Variants in PRKACB observed in about 807,000 individuals in gnomAD.
PRKACB encodes cAMP-dependent protein kinase catalytic subunit beta.
In PRKACB, 16 loss-of-function variants were observed where a neutral mutation model predicts 51.4. The observed-to-expected ratio is 0.31, with a 90% confidence interval of 0.21 to 0.47. The LOEUF (loss-of-function observed/expected upper bound fraction) is 0.47. Ranked by LOEUF, PRKACB falls within the 20% of genes least tolerant of loss-of-function variation. The pLI, the probability that PRKACB is intolerant of heterozygous loss-of-function variation, is 1.00. For missense variants in PRKACB, 309 were observed against 464.5 expected (o/e 0.67, Z 3.08); for synonymous variants, 147 against 154.4 (o/e 0.95, Z 0.35).
At chr1:84,152,696 G>T (rs933423078) in intron 1 of PRKACB, among the ~76,000 whole-genome samples, 2 of 152,148 alleles carry the variant, frequency 1.3e-5, no homozygotes, top group African/African-American at 4.8e-5. Flanking sequence ...AGCCTTTATA[G>T]AATTGAAGAG....
chr1:84,182,164 G>T, intron 2 of PRKACB, 36 bp from the exon 3 acceptor site: 3 of 1,392,888 alleles, frequency 2.2e-6, no homozygotes, highest in South Asian at 3.0e-5. Flanking sequence ...GTGTTTTTAC[G>T]AGAATTTTAA....
chr1:84,100,712 T>G (rs1439656833), intron 1 of PRKACB, among the ~76,000 whole-genome samples: 1 of 152,210 alleles, frequency 6.6e-6, no homozygotes, highest in Non-Finnish European at 1.5e-5. Flanking sequence ...TCTATCTACC[T>G]ACCTATCAAG....
intron 1 of PRKACB, among the ~76,000 whole-genome samples, chr1:84,173,116 A>AT (rs996027307): frequency 2.0e-5 from 3 of 151,688 alleles, no homozygotes; most frequent in African/African-American, 7.2e-5. Flanking sequence ...TTATTAACAT[A>AT]TTTCCAGAGA....
chr1:84,148,242 T>C (rs1654380946), intron 1 of PRKACB, among the ~76,000 whole-genome samples: 1 of 152,112 alleles, frequency 6.6e-6, no homozygotes, highest in East Asian at 1.9e-4. Context: ...TCAGGTATCA[T>C]CTCTGTAACA....
intron 9 of PRKACB, among the ~76,000 whole-genome samples, chr1:84,229,758 T>C (rs1167048303): frequency 1.3e-5 from 2 of 151,224 alleles, no homozygotes; most frequent in African/African-American, 2.4e-5. Context: ...TCATGTCCTT[T>C]GCCCACTTTT....
chr1:84,118,796 T>C (rs1028636098), intron 1 of PRKACB, among the ~76,000 whole-genome samples: 1 of 152,038 alleles, frequency 6.6e-6, no homozygotes, highest in Non-Finnish European at 1.5e-5. Context: ...ACTTCTTCAG[T>C]TGAGGAAGGT....
At chr1:84,128,788 T>C (rs1164626936) in intron 1 of PRKACB, among the ~76,000 whole-genome samples, 1 of 152,162 alleles carries the variant, frequency 6.6e-6, no homozygotes, top group East Asian at 1.9e-4. Context: ...CTGTCAGCAT[T>C]ATGTGTGTTC....
At chr1:84,227,247 A>G (rs72938497) in intron 9 of PRKACB, among the ~76,000 whole-genome samples, 3,913 of 152,192 alleles carry the variant, frequency 0.026, 180 homozygotes, top group African/African-American at 0.089. Context: ...AAATTTTAAC[A>G]GACTAATTCT....
chr1:84,088,081 G>A (rs1414961306), intron 1 of PRKACB, among the ~76,000 whole-genome samples: 2 of 152,076 alleles, frequency 1.3e-5, no homozygotes, highest in Non-Finnish European at 2.9e-5. Flanking sequence ...AAAATTTTCC[G>A]AATCAAATTC....
chr1:84,087,256 AAAATT>A (rs1648088844), intron 1 of PRKACB, among the ~76,000 whole-genome samples: 1 of 152,252 alleles, frequency 6.6e-6, no homozygotes, highest in African/African-American at 2.4e-5. Flanking sequence ...TTAATCTAGA[AAAATT>A]AAAGTTACAT....
chr1:84,111,213 T>C (rs761789634), intron 1 of PRKACB, among the ~76,000 whole-genome samples: 4 of 152,102 alleles, frequency 2.6e-5, no homozygotes, highest in Non-Finnish European at 5.9e-5. Context: ...CTATCACTTC[T>C]TAAAGTACTT....
At position 84,214,139 on chromosome 1, in the gene PRKACB, G is replaced by A; in HGVS notation, c.907-14G>A. 1.3e-6 allele frequency: 2 copies of A among 1,588,018 alleles called. No individual in the cohort carries two copies. Among genetic ancestry groups the A allele is most frequent in the Non-Finnish European group, 1.7e-6 (2 of 1,170,628 alleles). The stretch of plus-strand genomic sequence containing the variant: ...CTTAGAATGTGTGTTTTACCAAATG[G>A]TGTGTTTGTGTAGGTCCGATTCCCA... On this transcript the variant is annotated splice_polypyrimidine_tract_variant and intron_variant, in intron 8 of 9. Transcript: ENST00000370685.
chr1:84,220,275 C>T (rs1000935587), intron 9 of PRKACB, among the ~76,000 whole-genome samples: 3 of 151,916 alleles, frequency 2.0e-5, no homozygotes, highest in East Asian at 1.9e-4. Flanking sequence ...ATTGGTGTAT[C>T]GAAATGTCAC....
At chr1:84,180,046 CAAA>C (rs761445098) in intron 2 of PRKACB, among the ~76,000 whole-genome samples, 2 of 51,014 alleles carry the variant, frequency 3.9e-5, no homozygotes, top group Admixed American at 2.2e-4. Flanking sequence ...ACATAAAGAC[CAAA>C]AAAAAAAAAA....
intron 1 of PRKACB, among the ~76,000 whole-genome samples, chr1:84,080,566 T>C (rs908713890): frequency 2.6e-5 from 4 of 152,222 alleles, no homozygotes; most frequent in African/African-American, 9.6e-5. Context: ...TTGATTAATG[T>C]TTGTAATTTC....
intron 8 of PRKACB, among the ~76,000 whole-genome samples, chr1:84,211,754 A>G (rs1377287793): frequency 2.0e-5 from 3 of 152,104 alleles, no homozygotes; most frequent in Non-Finnish European, 4.4e-5. Context: ...CTTCACCCCT[A>G]CCTATGAAAT....
At chr1:84,233,192 T>C (rs1212988065) in intron 9 of PRKACB, among the ~76,000 whole-genome samples, 1 of 152,146 alleles carries the variant, frequency 6.6e-6, no homozygotes, top group African/African-American at 2.4e-5. Flanking sequence ...TGGCTGGATA[T>C]GAGATTCTGG....
At chr1:84,147,164 T>C (rs1324847284) in intron 1 of PRKACB, among the ~76,000 whole-genome samples, 4 of 152,064 alleles carry the variant, frequency 2.6e-5, no homozygotes, top group African/African-American at 9.7e-5. Context: ...TACTTTTTCT[T>C]TCCCTTTTCC....
chr1:84,207,863 TC>T (rs11327623), intron 8 of PRKACB, among the ~76,000 whole-genome samples: 74,406 of 151,918 alleles, frequency 0.49, 18,781 homozygotes, highest in Non-Finnish European at 0.56. Context: ...TTCTTCTTAT[TC>T]ATTTTTATTT....
Sources: gnomAD v4.1 joint callset for allele counts (sites outside exome capture counted in the v4.1 genomes callset) on GRCh38, gnomAD v4.1.1 for gene constraint, MANE v1.5 for transcripts, NCBI Gene and HGNC (gene_info 2026-07-23, HGNC 2026-07-21) for gene names.